GPR160: variants seen among roughly 807,000 people sequenced by gnomAD.
GPR160 encodes G protein-coupled receptor 160, also known as probable G protein-coupled receptor 160.
GPR160 carries 2 observed loss-of-function variants against 2.6 expected under a neutral mutation model. The ratio of observed to expected loss-of-function variants is 0.77; its 90% confidence interval spans 0.32 to 2.44. The LOEUF (loss-of-function observed/expected upper bound fraction) is 2.44. Among genes scored for constraint, GPR160 ranks in the 30% most tolerant of loss-of-function variants. The pLI is 0.11. For missense variants in GPR160, 351 were observed against 383.6 expected (o/e 0.91, Z 0.71); for synonymous variants, 130 against 132.2 (o/e 0.98, Z 0.12).
intron 2 of GPR160, among the ~76,000 whole-genome samples, chr3:170,072,621 C>T (rs1448321187): frequency 6.6e-6 from 1 of 152,078 alleles, no homozygotes; most frequent in Non-Finnish European, 1.5e-5. Flanking sequence ...AGAGGGGGAG[C>T]AGGTGTGTCA....
chr3:170,080,553 T>C (rs1485944494), intron 3 of GPR160, among the ~76,000 whole-genome samples: 1 of 152,154 alleles, frequency 6.6e-6, no homozygotes, highest in Non-Finnish European at 1.5e-5. Context: ...ATTCTCTTTC[T>C]CCTCTGTGGA....
At chr3:170,078,957 G>C (rs1190731592) in intron 2 of GPR160, among the ~76,000 whole-genome samples, 2 of 152,208 alleles carry the variant, frequency 1.3e-5, no homozygotes, top group Non-Finnish European at 2.9e-5. Context: ...ACCTTGAAGA[G>C]GGCAAGGAGT....
intron 2 of GPR160, among the ~76,000 whole-genome samples, chr3:170,044,883 AGCTGAGGCACCC>A (rs1553766603): frequency 6.6e-6 from 1 of 152,096 alleles, no homozygotes; most frequent in Non-Finnish European, 1.5e-5. Context: ...AGGGATGAGG[AGCTGAGGCACCC>A]GCATAGTCCA....
At chr3:170,079,096 A>G (rs1007677009) in intron 2 of GPR160, among the ~76,000 whole-genome samples, 5 of 152,216 alleles carry the variant, frequency 3.3e-5, no homozygotes, top group Admixed American at 6.5e-5. Flanking sequence ...TTAATTACCC[A>G]CAGACTGTGT....
chr3:170,039,083 A>G (rs1270193667), intron 2 of GPR160, 40 bp downstream of exon 2: 1 of 152,110 alleles, frequency 6.6e-6, no homozygotes, highest in Non-Finnish European at 1.5e-5. Flanking sequence ...GATAACCCCC[A>G]CCGAGAAGCA....
intron 2 of GPR160, among the ~76,000 whole-genome samples, chr3:170,073,797 G>T (rs1313134239): frequency 6.6e-6 from 1 of 151,054 alleles, no homozygotes; most frequent in Non-Finnish European, 1.5e-5. Flanking sequence ...CTAAATGCTT[G>T]ATAGAATCCA....
chr3:170,080,429 C>T (rs780931253), intron 3 of GPR160, among the ~76,000 whole-genome samples: 4 of 152,142 alleles, frequency 2.6e-5, no homozygotes, highest in Non-Finnish European at 5.9e-5. Flanking sequence ...CTTCCCCGCT[C>T]TTATTTTTCT....
At chr3:170,048,636 T>G (rs7631178) in intron 2 of GPR160, among the ~76,000 whole-genome samples, 20,053 of 152,262 alleles carry the variant, frequency 0.13, 1,393 homozygotes, top group Middle Eastern at 0.18. Flanking sequence ...AAATAAGTAC[T>G]GAGTCAAAGG....
chr3:170,079,890 AC>A lies in GPR160; in HGVS notation c.-75del, dbSNP rs1424814695. On this transcript the variant is annotated 5_prime_UTR_variant, in exon 3 of 4. In the 5' UTR this introduces an upstream ATG that the reference lacks. Transcript: ENST00000355897. Reference sequence around the variant, plus strand: ...GAAGATCATCAGTCAAGGAAGACCCACTGGAGAGTAAGTATGCAAGTTGTTA... The same window carrying A: ...GAAGATCATCAGTCAAGGAAGACCCATGGAGAGTAAGTATGCAAGTTGTTA... The A allele has an allele frequency of 2.0e-5, 3 of 152,226 alleles. No homozygotes were observed. The highest frequency in any genetic ancestry group is 7.2e-5 in the African/African-American group (3 of 41,462). The allele number at this position is 152,226 out of a possible 1,614,324, so 9.4% of individuals were successfully genotyped here.
chr3:170,069,169 C>T (rs559689413), intron 2 of GPR160, among the ~76,000 whole-genome samples: 3 of 152,358 alleles, frequency 2.0e-5, no homozygotes, highest in South Asian at 2.1e-4. Context: ...CTCATTCTTA[C>T]TCCGCAGTTG....
intron 3 of GPR160, among the ~76,000 whole-genome samples, chr3:170,082,267 G>T (rs1204879403): frequency 1.3e-5 from 2 of 152,130 alleles, no homozygotes; most frequent in African/African-American, 4.8e-5. Flanking sequence ...AATTTATCAT[G>T]ACATTATTTT....
chr3:170,071,371 GC>G (rs1312102453), intron 2 of GPR160, among the ~76,000 whole-genome samples: 1 of 152,138 alleles, frequency 6.6e-6, no homozygotes, highest in African/African-American at 2.4e-5. Flanking sequence ...TCCTGCTCTC[GC>G]CATGTGAGAT....
At chr3:170,064,578 G>C (rs1219661291) in intron 2 of GPR160, among the ~76,000 whole-genome samples, 1 of 141,068 alleles carries the variant, frequency 7.1e-6, no homozygotes, top group East Asian at 2.2e-4. Context: ...GAGTACAGTG[G>C]CACAATCTCG....
intron 2 of GPR160, among the ~76,000 whole-genome samples, chr3:170,066,266 G>C (rs1018970862): frequency 6.8e-6 from 1 of 146,202 alleles, no homozygotes; most frequent in South Asian, 2.3e-4. Flanking sequence ...TCAGCCTCCC[G>C]AGTAGCTGGG....
chr3:170,040,009 C>T (rs897499142), intron 2 of GPR160, among the ~76,000 whole-genome samples: 2 of 150,878 alleles, frequency 1.3e-5, no homozygotes, highest in African/African-American at 4.9e-5. Flanking sequence ...GAACTTCAGG[C>T]ACGGGGGCCT....
chr3:170,065,843 T>C (rs1402049585), intron 2 of GPR160, among the ~76,000 whole-genome samples: 2 of 152,168 alleles, frequency 1.3e-5, no homozygotes, highest in African/African-American at 4.8e-5. Context: ...AGAATGTTCA[T>C]AGTAGGAAAA....
chr3:170,078,229 T>G (rs1712961266), intron 2 of GPR160, among the ~76,000 whole-genome samples: 1 of 151,936 alleles, frequency 6.6e-6, no homozygotes, highest in South Asian at 2.1e-4. Flanking sequence ...GGCAATGGGG[T>G]CCCAGTAACA....
intron 2 of GPR160, chr3:170,057,937 G>A (rs1711726705): frequency 6.6e-6 from 1 of 152,194 alleles, no homozygotes; most frequent in African/African-American, 2.4e-5. Flanking sequence ...TAAAATACAT[G>A]AAGACATAGA....
intron 2 of GPR160, among the ~76,000 whole-genome samples, chr3:170,042,675 A>AAAAAT (rs1559980036): frequency 1.4e-5 from 2 of 146,532 alleles, no homozygotes; most frequent in African/African-American, 5.1e-5. Flanking sequence ...CAAAAAAAAA[A>AAAAAT]AATAAATAAA....
Sources: allele counts gnomAD v4.1 joint callset (sites outside exome capture counted in the v4.1 genomes callset), GRCh38; gene constraint gnomAD v4.1.1; transcripts MANE v1.5; gene names NCBI Gene and HGNC (gene_info 2026-07-23, HGNC 2026-07-21).